Variants in MCM5 observed in about 807,000 individuals in gnomAD.
The protein encoded by MCM5 is DNA replication licensing factor MCM5.
In MCM5, 46 loss-of-function variants were observed where a neutral mutation model predicts 79.9. The ratio of observed to expected loss-of-function variants is 0.58; its 90% CI spans 0.45 to 0.74. The LOEUF is 0.74. Ranked by LOEUF, MCM5 falls within the 30% of genes least tolerant of loss-of-function variation. The probability of loss-of-function intolerance (pLI) is 0.00; values close to 1 mark genes in which losing one functional copy is unlikely to be tolerated. For synonymous variants in MCM5, 404 were observed against 390.5 expected (o/e 1.03, Z -0.41); for missense variants, 883 against 1,017.0 (o/e 0.87, Z 1.79).
chr22:35,431,199 A>G, the MCM5 span, among the ~76,000 whole-genome samples: 1 of 152,206 alleles, frequency 6.6e-6, no homozygotes, highest in Admixed American at 6.5e-5. Context: ...GTTTGGACAA[A>G]GGCTCTGCTG....
intron 4 of MCM5, 97 bp from the exon 5 acceptor site, chr22:35,406,456 C>A: frequency 1.7e-6 from 2 of 1,168,480 alleles, no homozygotes; most frequent in South Asian, 2.8e-5. Flanking sequence ...GCTCTGTGCC[C>A]ACCTCCTCCA....
At chr22:35,409,261 C>T (rs1024201886) in intron 6 of MCM5, among the ~76,000 whole-genome samples, 11 of 152,234 alleles carry the variant, frequency 7.2e-5, no homozygotes, top group Non-Finnish European at 1.3e-4. Flanking sequence ...CTGCGCCCAG[C>T]GTACCCCAGG....
At chr22:35,430,962 C>A in the MCM5 span, among the ~76,000 whole-genome samples, 3 of 152,174 alleles carry the variant, frequency 2.0e-5, no homozygotes, top group Non-Finnish European at 2.9e-5. Context: ...CTCCAGCTGT[C>A]CCAGGGGTGC....
chr22:35,417,853 G>T lies in MCM5; in HGVS notation c.1700G>T (p.Arg567Leu), dbSNP rs373130534. ...CTGAAGAAGTTTATTGCCTACTGCCGAGTGTGAGTCCTGGACGCAGGCCCA... is the reference window on the plus strand; with the variant it reads ...CTGAAGAAGTTTATTGCCTACTGCCTAGTGTGAGTCCTGGACGCAGGCCCA... ...AKLKKFIAYC[R>L]VKCGPRLSAE... The change falls in exon 13 of 17, where the codon CGA becomes CTA. Residue 567 changes from arginine (R) to leucine (L), a missense_variant. Transcript: ENST00000216122. 4 of 1,613,098 alleles carry T rather than the reference G, an allele frequency of 2.5e-6. No individual in the cohort carries two copies. In the Admixed American group the frequency reaches 6.7e-5, roughly 27 times the overall value.
At chr22:35,454,412 C>T in the MCM5 span, among the ~76,000 whole-genome samples, 7 of 152,272 alleles carry the variant, frequency 4.6e-5, no homozygotes, top group East Asian at 9.6e-4. Context: ...CCTCTCTCTT[C>T]TTTGGGCTGC....
At chr22:35,421,843 T>A (rs1399146040) in intron 15 of MCM5, 3 of 345,154 alleles carry the variant, frequency 8.7e-6, no homozygotes, top group Non-Finnish European at 1.7e-5. Flanking sequence ...AGGTGAGCAG[T>A]CAGTCCTGCC....
At chr22:35,419,321 G>C (rs904905999) in intron 13 of MCM5, among the ~76,000 whole-genome samples, 3 of 152,194 alleles carry the variant, frequency 2.0e-5, no homozygotes, top group Admixed American at 2.0e-4. Context: ...TGGCCTGGGG[G>C]CTAGAGGGGA....
At position 35,400,401 on chromosome 22, in the gene MCM5, G is replaced by A. The variant is rs758320816; in HGVS notation, c.-8-30G>A. On this transcript the variant is annotated intron_variant, in intron 1 of 16. Coordinates refer to ENST00000216122, the MANE Select transcript of MCM5 (RefSeq NM_006739.4). ...GAGGAGGTGCCAGGCGCTGCCCCCA[G>A]CCTGTTCTGGCCGTTTGTTCCCACC... 4 of 1,613,520 alleles carry A rather than the reference G, an allele frequency of 2.5e-6. No individual in the cohort carries two copies. In the South Asian group the frequency reaches 4.4e-5, roughly 18 times the overall value.
chr22:35,404,978 T>C (rs1932168347), intron 4 of MCM5, among the ~76,000 whole-genome samples: 1 of 152,136 alleles, frequency 6.6e-6, no homozygotes, highest in Non-Finnish European at 1.5e-5. Context: ...ACGAATCCTC[T>C]TGTACTCATC....
chr22:35,429,755 CA>C (rs1569073361), downstream of MCM5, among the ~76,000 whole-genome samples: 1 of 151,844 alleles, frequency 6.6e-6, no homozygotes, highest in African/African-American at 2.4e-5. Context: ...AGGCTGGTGT[CA>C]AACTCCTGGC....
At chr22:35,452,813 A>G in the MCM5 span, among the ~76,000 whole-genome samples, 1 of 152,140 alleles carries the variant, frequency 6.6e-6, no homozygotes, top group East Asian at 1.9e-4. Context: ...ACAGCACTCT[A>G]CGTGCTGTAG....
At chr22:35,449,089 T>A in the MCM5 span, among the ~76,000 whole-genome samples, 3 of 152,018 alleles carry the variant, frequency 2.0e-5, no homozygotes, top group African/African-American at 7.2e-5. Context: ...GCAGGGCAGG[T>A]TGAAGAACTA....
chr22:35,428,533 C>T (rs1932792060), downstream of MCM5, among the ~76,000 whole-genome samples: 1 of 151,890 alleles, frequency 6.6e-6, no homozygotes, highest in Admixed American at 6.6e-5. Context: ...TTTCAGTGTT[C>T]CATATGTAAA....
chr22:35,425,654 C>T (rs750468775), downstream of MCM5, among the ~76,000 whole-genome samples: 1 of 151,934 alleles, frequency 6.6e-6, no homozygotes, highest in Non-Finnish European at 1.5e-5. Flanking sequence ...CCTTACTGGG[C>T]GCGCTGTGGG....
chr22:35,439,198 T>G, the MCM5 span, among the ~76,000 whole-genome samples: 1 of 149,376 alleles, frequency 6.7e-6, no homozygotes, highest in Non-Finnish European at 1.5e-5. Flanking sequence ...CACCCACAAA[T>G]TCATCCATCC....
chr22:35,453,799 GAT>G, the MCM5 span, among the ~76,000 whole-genome samples: 101 of 91,150 alleles, frequency 1.1e-3, no homozygotes, highest in Middle Eastern at 0.014. Flanking sequence ...AGAGACAAAA[GAT>G]ATATATATAT....
chr22:35,448,747 A>G, the MCM5 span, among the ~76,000 whole-genome samples: 2 of 152,186 alleles, frequency 1.3e-5, no homozygotes, highest in Non-Finnish European at 2.9e-5. Flanking sequence ...AGTGGCTTCA[A>G]ACAACACGCA....
the MCM5 span, among the ~76,000 whole-genome samples, chr22:35,449,314 T>G: frequency 6.6e-6 from 1 of 152,188 alleles, no homozygotes; most frequent in Non-Finnish European, 1.5e-5. Flanking sequence ...AATCGCTGTG[T>G]CTTTGGAACT....
chr22:35,405,845 A>G lies in MCM5; in HGVS notation c.424-708A>G, dbSNP rs923294692. ...GCCAACATAGTGAAACCCCGTCTCTACTAAAAATACAAAAAGTTAGCTGGA... is the reference window on the plus strand; with the variant it reads ...GCCAACATAGTGAAACCCCGTCTCTGCTAAAAATACAAAAAGTTAGCTGGA... On this transcript the variant is annotated intron_variant, in intron 4 of 16. Coordinates refer to ENST00000216122, the MANE Select transcript of MCM5 (RefSeq NM_006739.4). 2.0e-5 allele frequency among the ~76,000 whole-genome samples: 3 copies of G among 151,906 alleles called. No homozygotes were observed. In the South Asian group the frequency reaches 6.2e-4, roughly 32 times the overall value.
Sources: allele counts gnomAD v4.1 joint callset (sites outside exome capture counted in the v4.1 genomes callset), GRCh38; gene constraint gnomAD v4.1.1; transcripts MANE v1.5; gene names NCBI Gene and HGNC (gene_info 2026-07-23, HGNC 2026-07-21).